Variants in HPSE2 observed in about 807,000 individuals in gnomAD.
HPSE2 encodes heparanase 2 (inactive).
A neutral mutation model predicts 60.5 loss-of-function variants in HPSE2; 38 were observed. That is an observed-to-expected ratio of 0.63 (90% CI 0.48 to 0.82). HPSE2 has a LOEUF of 0.82. Among genes scored for constraint, HPSE2 ranks in the 40% least tolerant of loss-of-function variants. HPSE2 has a pLI of 0.00. For synonymous variants in HPSE2, 295 were observed against 293.2 expected, an observed-to-expected ratio of 1.01 and a Z score of -0.06; for missense variants, 713 against 740.4, an observed-to-expected ratio of 0.96 and a Z score of 0.43.
chr10:98,704,598 A>G (rs1169716591), intron 5 of HPSE2, among the ~76,000 whole-genome samples: 2 of 152,220 alleles, frequency 1.3e-5, no homozygotes, highest in Non-Finnish European at 2.9e-5. Flanking sequence ...GACCTCAGAT[A>G]TAACACCACA....
At chr10:99,255,595 C>T in the HPSE2 span, among the ~76,000 whole-genome samples, 19 of 147,488 alleles carry the variant, frequency 1.3e-4, 1 homozygote, top group African/African-American at 4.6e-4. Flanking sequence ...CACACACACA[C>T]GACTACAATA....
intron 2 of HPSE2, among the ~76,000 whole-genome samples, chr10:99,161,970 A>G (rs1846863325): frequency 6.6e-6 from 1 of 152,218 alleles, no homozygotes; most frequent in Non-Finnish European, 1.5e-5. Flanking sequence ...TATATGAGGT[A>G]CCTGGGGTAG....
chr10:98,462,190 T>C (rs1940321825), intron 11 of HPSE2, among the ~76,000 whole-genome samples: 2 of 152,224 alleles, frequency 1.3e-5, no homozygotes, highest in Non-Finnish European at 2.9e-5. Flanking sequence ...TATTTATTTA[T>C]TTTTTTGAGA....
At chr10:98,695,589 C>T (rs1948190881) in intron 5 of HPSE2, among the ~76,000 whole-genome samples, 1 of 152,182 alleles carries the variant, frequency 6.6e-6, no homozygotes, top group South Asian at 2.1e-4. Context: ...AGATTACCAG[C>T]TTCCCTATTG....
intron 10 of HPSE2, among the ~76,000 whole-genome samples, chr10:98,487,068 C>T (rs950957413): frequency 6.6e-6 from 1 of 152,132 alleles, no homozygotes; most frequent in African/African-American, 2.4e-5. Context: ...CAGCATCCAC[C>T]AGGTTCCAAT....
chr10:98,866,574 A>G (rs775871632), intron 3 of HPSE2, among the ~76,000 whole-genome samples: 1 of 152,152 alleles, frequency 6.6e-6, no homozygotes, highest in African/African-American at 2.4e-5. Context: ...TAAATTGCTC[A>G]AAACCAATAA....
chr10:98,895,125 A>G (rs983341949), intron 3 of HPSE2, among the ~76,000 whole-genome samples: 20 of 152,190 alleles, frequency 1.3e-4, no homozygotes, highest in African/African-American at 4.8e-4. Context: ...AGACCATCAC[A>G]GTTTCTGAGA....
At chr10:98,646,038 A>T (rs1946760351) in intron 6 of HPSE2, among the ~76,000 whole-genome samples, 1 of 152,086 alleles carries the variant, frequency 6.6e-6, no homozygotes, top group South Asian at 2.1e-4. Flanking sequence ...CAATGCCTAA[A>T]CCTTTTTCTT....
At chr10:98,854,841 C>T (rs1375944928) in intron 3 of HPSE2, among the ~76,000 whole-genome samples, 1 of 152,072 alleles carries the variant, frequency 6.6e-6, no homozygotes, top group Non-Finnish European at 1.5e-5. Flanking sequence ...GATTCTTATA[C>T]ATCATATTTA....
Position 98,614,831 on chromosome 10 carries a change from G to A in HPSE2, c.1320+73C>T, listed in dbSNP as rs192786372. On this transcript the variant is annotated intron_variant, in intron 9 of 11. Transcript: ENST00000370552. ...CAGCAAGAGGAAAAATATTCTCCTA[G>A]TATGGAACAAGGCATGATCAAAAGA... 18 of 993,248 alleles carry A rather than the reference G, an allele frequency of 1.8e-5. No individual in the cohort carries two copies. The East Asian group carries it at 4.3e-4, about 24-fold the overall frequency. The allele number at this position is 993,248 out of a possible 1,614,324, so 61.5% of individuals were successfully genotyped here. A position where few individuals can be genotyped will look rare whatever the true frequency, so the allele number is the denominator to read the frequency against.
chr10:99,170,662 T>A (rs1202447531), intron 2 of HPSE2, among the ~76,000 whole-genome samples: 1 of 152,252 alleles, frequency 6.6e-6, no homozygotes. Context: ...TACTAATCTA[T>A]ACAAAGTATC....
chr10:99,215,549 C>G (rs1383098039), intron 2 of HPSE2, among the ~76,000 whole-genome samples: 1 of 152,148 alleles, frequency 6.6e-6, no homozygotes, highest in Non-Finnish European at 1.5e-5. Flanking sequence ...GTTGATGTAG[C>G]AAACCACCAT....
chr10:98,734,376 G>A (rs1386825167), intron 4 of HPSE2, among the ~76,000 whole-genome samples: 4 of 152,154 alleles, frequency 2.6e-5, no homozygotes, highest in Non-Finnish European at 5.9e-5. Flanking sequence ...TCTAGAAGTG[G>A]AATTGTTGGG....
At chr10:99,109,364 T>G (rs945613943) in intron 3 of HPSE2, among the ~76,000 whole-genome samples, 4 of 152,158 alleles carry the variant, frequency 2.6e-5, no homozygotes, top group African/African-American at 9.7e-5. Flanking sequence ...TTATTTAATT[T>G]GGAAACTTTT....
intron 3 of HPSE2, among the ~76,000 whole-genome samples, chr10:98,845,324 A>G (rs1277743528): frequency 6.6e-6 from 1 of 152,246 alleles, no homozygotes; most frequent in African/African-American, 2.4e-5. Flanking sequence ...GTCTTCCAAT[A>G]TTAGTTTCTC....
intron 9 of HPSE2, among the ~76,000 whole-genome samples, chr10:98,576,037 T>C (rs184543371): frequency 2.4e-4 from 37 of 152,286 alleles, no homozygotes; most frequent in Admixed American, 2.2e-3. Context: ...GATTCTTTTG[T>C]TTCTGAGTAG....
intron 9 of HPSE2, among the ~76,000 whole-genome samples, chr10:98,509,888 T>A (rs1942331428): frequency 6.6e-6 from 1 of 151,984 alleles, no homozygotes; most frequent in African/African-American, 2.4e-5. Context: ...TTCTCTTCTC[T>A]CCTCATCCTG....
chr10:99,161,631 T>C (rs976918828), intron 2 of HPSE2, among the ~76,000 whole-genome samples: 2 of 152,200 alleles, frequency 1.3e-5, no homozygotes, highest in African/African-American at 2.4e-5. Context: ...ATACATTTCA[T>C]AGAAATAATT....
intron 9 of HPSE2, among the ~76,000 whole-genome samples, chr10:98,549,641 AG>A (rs1410960151): frequency 6.6e-6 from 1 of 152,170 alleles, no homozygotes; most frequent in Non-Finnish European, 1.5e-5. Flanking sequence ...ATTTGGTCCA[AG>A]TGTTCTTTTT....
Sources: allele counts gnomAD v4.1 joint callset (sites outside exome capture counted in the v4.1 genomes callset), GRCh38; gene constraint gnomAD v4.1.1; transcripts MANE v1.5; gene names NCBI Gene and HGNC (gene_info 2026-07-23, HGNC 2026-07-21).